The following MAST4 variants were observed in gnomAD, a reference collection of about 807,000 sequenced individuals.
MAST4 encodes the protein microtubule associated serine/threonine kinase family member 4.
MAST4 carries 89 observed loss-of-function variants against 162.7 expected under a neutral mutation model. That is an observed-to-expected ratio of 0.55 (90% CI 0.46 to 0.65). The LOEUF (loss-of-function observed/expected upper bound fraction) is 0.65, where lower values mean the gene tolerates loss of function less well. Ranked by LOEUF, MAST4 falls within the 30% of genes least tolerant of loss-of-function variation. The probability of loss-of-function intolerance (pLI) is 0.00; values close to 1 mark genes in which losing one functional copy is unlikely to be tolerated. For missense variants in MAST4, 3,153 were observed against 3,374.0 expected, an observed-to-expected ratio of 0.93 and a Z score of 1.62; for synonymous variants, 1,479 against 1,361.1, an observed-to-expected ratio of 1.09 and a Z score of -1.91.
At chr5:67,037,305 C>A (rs1269133812) in intron 4 of MAST4, among the ~76,000 whole-genome samples, 1 of 152,156 alleles carries the variant, frequency 6.6e-6, no homozygotes, top group East Asian at 1.9e-4. Flanking sequence ...CTTCCCAGTT[C>A]TTGGAGGGCA....
At chr5:67,014,748 T>C (rs1474268477) in intron 4 of MAST4, among the ~76,000 whole-genome samples, 1 of 152,236 alleles carries the variant, frequency 6.6e-6, no homozygotes, top group Non-Finnish European at 1.5e-5. Flanking sequence ...CTGCTTTTAA[T>C]GCTATTTTAC....
intron 5 of MAST4, among the ~76,000 whole-genome samples, chr5:67,073,936 AAGT>A (rs1761274305): frequency 6.6e-6 from 1 of 152,156 alleles, no homozygotes; most frequent in Non-Finnish European, 1.5e-5. Context: ...GAGTATGAAA[AAGT>A]AGAAGAAATC....
chr5:66,968,529 C>T (rs147460368), intron 4 of MAST4, among the ~76,000 whole-genome samples: 366 of 152,300 alleles, frequency 2.4e-3, no homozygotes, highest in African/African-American at 8.3e-3. Context: ...TTTTTGTCTA[C>T]TTTTTCACAC....
intron 1 of MAST4, among the ~76,000 whole-genome samples, chr5:66,706,392 A>T (rs1056556149): frequency 2.0e-5 from 3 of 152,162 alleles, no homozygotes; most frequent in African/African-American, 7.2e-5. Flanking sequence ...ATGCCATATG[A>T]AACGGGAGGA....
chr5:66,670,634 C>T (rs1274393608), intron 1 of MAST4, among the ~76,000 whole-genome samples: 1 of 151,958 alleles, frequency 6.6e-6, no homozygotes, highest in South Asian at 2.1e-4. Flanking sequence ...TTGAGGATGC[C>T]GGGCAGTGTA....
chr5:66,839,056 C>T (rs1011509609), intron 3 of MAST4, among the ~76,000 whole-genome samples: 1 of 152,054 alleles, frequency 6.6e-6, no homozygotes, highest in African/African-American at 2.4e-5. Context: ...GCTGCTGGAC[C>T]GAGGTGGTGA....
chr5:66,927,120 C>T (rs1360230415), intron 4 of MAST4, among the ~76,000 whole-genome samples: 2 of 152,160 alleles, frequency 1.3e-5, no homozygotes, highest in Non-Finnish European at 2.9e-5. Context: ...GTTTGGCTTT[C>T]TTCTCCAGCT....
At chr5:66,962,743 G>A (rs1746167385) in intron 4 of MAST4, among the ~76,000 whole-genome samples, 1 of 152,080 alleles carries the variant, frequency 6.6e-6, no homozygotes, top group Non-Finnish European at 1.5e-5. Flanking sequence ...GAAACTCATT[G>A]CACTATAGCA....
chr5:66,660,336 C>G (rs777546553), intron 1 of MAST4, among the ~76,000 whole-genome samples: 2 of 152,018 alleles, frequency 1.3e-5, no homozygotes, highest in Non-Finnish European at 2.9e-5. Flanking sequence ...TGCAGTCAGC[C>G]GAGATCGCGC....
At chr5:67,146,592 G>A (rs1032784108) in intron 23 of MAST4, among the ~76,000 whole-genome samples, 7 of 152,120 alleles carry the variant, frequency 4.6e-5, no homozygotes, top group Non-Finnish European at 7.3e-5. Context: ...TATTCATAGT[G>A]TAAGCTTTTT....
intron 4 of MAST4, among the ~76,000 whole-genome samples, chr5:67,012,851 T>C (rs1054152108): frequency 6.6e-6 from 1 of 152,216 alleles, no homozygotes; most frequent in Non-Finnish European, 1.5e-5. Flanking sequence ...TACATTAATG[T>C]CTATTGGACA....
intron 1 of MAST4, among the ~76,000 whole-genome samples, chr5:66,754,088 A>G (rs149795165): frequency 0.014 from 2,100 of 152,152 alleles, 23 homozygotes; most frequent in African/African-American, 0.048. Flanking sequence ...AAGGCCTTTG[A>G]CAAAATTCAA....
At chr5:66,749,542 C>T (rs935927819) in intron 1 of MAST4, among the ~76,000 whole-genome samples, 21 of 152,186 alleles carry the variant, frequency 1.4e-4, no homozygotes, top group African/African-American at 4.8e-4. Context: ...CCTTGTGAAC[C>T]ATTGATGATG....
chr5:66,950,370 G>T (rs1255766838), intron 4 of MAST4, among the ~76,000 whole-genome samples: 1 of 151,898 alleles, frequency 6.6e-6, no homozygotes, highest in Admixed American at 6.6e-5. Context: ...TGCATCTCGA[G>T]AACTTTTTCA....
chr5:66,741,162 C>T (rs1040270325), intron 1 of MAST4, among the ~76,000 whole-genome samples: 2 of 152,172 alleles, frequency 1.3e-5, no homozygotes, highest in East Asian at 3.9e-4. Flanking sequence ...CTGTGCAGCT[C>T]ACCCCCTTCC....
intron 3 of MAST4, among the ~76,000 whole-genome samples, chr5:66,797,167 C>G (rs1755690812): frequency 6.6e-6 from 1 of 152,152 alleles, no homozygotes; most frequent in Non-Finnish European, 1.5e-5. Context: ...GTTAAAATAC[C>G]AGCATTGACG....
intron 4 of MAST4, among the ~76,000 whole-genome samples, chr5:67,034,743 T>C (rs1327973595): frequency 6.6e-6 from 1 of 152,092 alleles, no homozygotes; most frequent in Non-Finnish European, 1.5e-5. Context: ...TAATTAAAGC[T>C]CCAAAAGGAG....
intron 19 of MAST4, among the ~76,000 whole-genome samples, chr5:67,136,874 CT>C (rs1376426736): frequency 1.3e-5 from 2 of 152,014 alleles, no homozygotes; most frequent in African/African-American, 2.4e-5. Flanking sequence ...GGTTGTTTGT[CT>C]TTGTTTTTTG....
chr5:66,811,419 TA>T (rs951285144), intron 3 of MAST4, among the ~76,000 whole-genome samples: 1 of 152,244 alleles, frequency 6.6e-6, no homozygotes, highest in Non-Finnish European at 1.5e-5. Flanking sequence ...CAGACTCATC[TA>T]AACACGTTAG....
Sources: allele counts gnomAD v4.1 joint callset (sites outside exome capture counted in the v4.1 genomes callset), GRCh38; gene constraint gnomAD v4.1.1; transcripts MANE v1.5; gene names NCBI Gene and HGNC (gene_info 2026-07-23, HGNC 2026-07-21).